FN1: variants seen among roughly 807,000 people sequenced by gnomAD.
FN1 encodes the protein fibronectin 1.
Under a neutral mutation model 297.3 loss-of-function variants are expected in FN1, and 106 were observed. The ratio of observed to expected loss-of-function variants is 0.36; its 90% CI spans 0.30 to 0.42. The LOEUF is 0.42. Ranked by LOEUF, FN1 falls within the 10% of genes least tolerant of loss-of-function variation. FN1 has a pLI of 1.00. For missense variants in FN1, 2,690 were observed against 3,124.9 expected (o/e 0.86, Z 3.32); for synonymous variants, 1,149 against 1,152.6 (o/e 1.00, Z 0.06).
chr2:215,429,265 C>A (rs941151392), intron 5 of FN1, among the ~76,000 whole-genome samples: 6 of 152,158 alleles, frequency 3.9e-5, no homozygotes, highest in African/African-American at 1.4e-4. Context: ...AGCAAAATAG[C>A]CCCAAATTAT....
chr2:215,407,946 CA>C lies in FN1; in HGVS notation c.2518+161del, dbSNP rs150302454. 0.51 allele frequency among the ~76,000 whole-genome samples: 39,769 copies of C among 78,018 alleles called. 7,833 individuals carry two copies. The highest frequency in any genetic ancestry group is 0.93 in the East Asian group (4,370 of 4,674). The allele number at this position is 78,018 out of a possible 152,430, so 51.2% of individuals were successfully genotyped here. On this transcript the variant is annotated intron_variant, in intron 17 of 45. Transcript: ENST00000354785. The stretch of plus-strand genomic sequence containing the variant: ...AATGTGCCATAGAAAATAACTCCCC[CA>C]CCCCCGCCACACACACACACACACA...
Position 215,382,243 on chromosome 2 carries a change from C to A in FN1, c.5133G>T (p.Glu1711Asp). ...VSVYAQNPSG[E>D]SQPLVQTAVT... The stretch of plus-strand genomic sequence containing the variant: ...CTGCAGTCTGAACCAGAGGCTGACT[C>A]TCTCCGCTTGGATTCTGAGCATAGA... Residue 1711 changes from glutamate to aspartate, a missense_variant, in exon 32 of 46, where the codon GAG becomes GAT. Glu to Asp is a conservative substitution (Grantham distance 45). Coordinates refer to ENST00000354785, the MANE Select transcript of FN1 (RefSeq NM_212482.4). 6.2e-7 allele frequency: 1 copy of A among 1,613,770 alleles called. No individual in the cohort carries two copies. The highest frequency in any genetic ancestry group is 8.5e-7 in the Non-Finnish European group (1 of 1,179,656).
At chr2:215,399,209 G>A in intron 21 of FN1, 48 bp downstream of exon 21, 1 of 1,366,902 alleles carries the variant, frequency 7.3e-7, no homozygotes, top group Non-Finnish European at 1.0e-6. Context: ...GGAACCACAA[G>A]GACAGCTCAG....
Position 215,410,411 on chromosome 2 carries a change from AGGCAAT to A in FN1, c.1942-303_1942-298del, listed in dbSNP as rs1465939195. On this transcript the variant is annotated intron_variant, in intron 13 of 45. Coordinates refer to ENST00000354785, the MANE Select transcript of FN1 (RefSeq NM_212482.4). Reference sequence around the variant, plus strand: ...TAGTCTCCATATCCTTCTGATGATAAGGCAATGGCATTGTTGCTCCCGTTTTACAGA... The same window carrying A: ...TAGTCTCCATATCCTTCTGATGATAAGGCATTGTTGCTCCCGTTTTACAGA... Among the ~76,000 whole-genome samples, 83 of 152,286 alleles carry A rather than the reference AGGCAAT, an allele frequency of 5.5e-4. 1 individual carries two copies.
chr2:215,365,361 C>G, intron 43 of FN1, 144 bp downstream of exon 43: 1 of 910,892 alleles, frequency 1.1e-6, no homozygotes, highest in South Asian at 1.4e-5. Context: ...TCTCCACTTT[C>G]CCAAATCAAA....
Position 215,435,761 on chromosome 2 carries a change from G to A in FN1, c.42C>T (p.Val14=), listed in dbSNP as rs1364821111. Residue 14 remains valine, a synonymous_variant, in exon 1 of 46, where the codon GTC becomes GTT. Transcript: ENST00000354785. ...GPGPGLLLLA[V]QCLGTAVPST... ...AGGGCACCGCTGTCCCCAGGCACTG[G>A]ACGGCCAGCAGCAGCAGCCCGGGCC... The A allele has an allele frequency of 1.3e-6, 2 of 1,592,578 alleles. No homozygotes were observed. Among genetic ancestry groups the A allele is most frequent in the Admixed American group, 3.5e-5 (2 of 57,376 alleles).
intron 33 of FN1, chr2:215,379,594 G>T: frequency 1.0e-5 from 3 of 300,738 alleles, no homozygotes; most frequent in Non-Finnish European, 1.8e-5. Flanking sequence ...TACAAGTTTT[G>T]CTTTCCCTTA....
rs1465212171 is a variant in FN1, at chr2:215,372,175, G to A, written c.6448C>T (p.Arg2150Trp). ...GTGGCCGTTGTGGGCGGTGTGGTCC[G>A]CCTAAAACCATGTTCCTCAAAGATC... ...QMIFEEHGFR[R>W]TTPPTTATPI... is the part of the protein sequence containing the mutation. The change falls in exon 40 of 46, where the codon CGG becomes TGG. Residue 2150 changes from arginine to tryptophan, a missense_variant. Physicochemically the swap from Arg to Trp is moderately radical, Grantham distance 101. Coordinates refer to ENST00000354785, the MANE Select transcript of FN1 (RefSeq NM_212482.4). The A allele has an allele frequency of 9.9e-6, 16 of 1,614,074 alleles. No individual in the cohort carries two copies. The highest frequency in any genetic ancestry group is 4.5e-5 in the East Asian group (2 of 44,894).
intron 6 of FN1, among the ~76,000 whole-genome samples, chr2:215,426,212 A>G (rs1183198297): frequency 9.3e-5 from 13 of 140,030 alleles, no homozygotes; most frequent in African/African-American, 3.2e-4. Flanking sequence ...GCAGTGGCGC[A>G]ATCTCGGCTC....
In FN1 at chr2:215,379,336, G is replaced by A. The variant is rs748140027; in HGVS notation, c.5435-19C>T. The stretch of plus-strand genomic sequence containing the variant: ...GGAATAGCTGTCGAGATTGTCATTG[G>A]TTAGAGGTTATCTTATAGGAAATGG... On this transcript the variant is annotated intron_variant, in intron 33 of 45. Transcript: ENST00000354785. The A allele has an allele frequency of 8.7e-6, 14 of 1,609,842 alleles. No homozygotes were observed. Among genetic ancestry groups the A allele is most frequent in the Non-Finnish European group, 1.2e-5 (14 of 1,176,284 alleles).
intron 34 of FN1, among the ~76,000 whole-genome samples, chr2:215,378,875 C>T (rs1436728015): frequency 1.3e-5 from 2 of 152,120 alleles, no homozygotes; most frequent in African/African-American, 4.8e-5. Flanking sequence ...CCCCCCACAA[C>T]CTTTTAAAAT....
intron 12 of FN1, among the ~76,000 whole-genome samples, chr2:215,418,420 G>A (rs1233881823): frequency 2.0e-5 from 3 of 152,112 alleles, no homozygotes; most frequent in Admixed American, 6.6e-5. Flanking sequence ...AATTTCTGTC[G>A]CATGCAGATT....
intron 23 of FN1, 143 bp from the exon 24 acceptor site, chr2:215,394,862 C>A: frequency 1.4e-6 from 1 of 693,460 alleles, no homozygotes; most frequent in South Asian, 1.6e-5. Context: ...TTATTCAATG[C>A]TTGCAACAAT....
In FN1 at chr2:215,391,811, A is replaced by G; in HGVS notation, c.4073T>C (p.Val1358Ala). The G allele has an allele frequency of 1.2e-6, 2 of 1,609,004 alleles. No homozygotes were observed. Among genetic ancestry groups the G allele is most frequent in the Non-Finnish European group, 1.7e-6 (2 of 1,175,840 alleles). ...APTTLTQQTA[V>A]PPPTDLRFTN... is the part of the protein sequence containing the mutation. ...GAATCGCAGGTCAGTGGGAGGAGGAACAGCTGGTTTCGAACAAGAAGGAAG... is the reference window on the plus strand; with the variant it reads ...GAATCGCAGGTCAGTGGGAGGAGGAGCAGCTGGTTTCGAACAAGAAGGAAG... Residue 1358 changes from valine to alanine, a missense_variant, in exon 26 of 46, where the codon GTT becomes GCT. By Grantham distance (64) the Val-to-Ala change is moderately conservative (BLOSUM62 0). Coordinates refer to ENST00000354785, the MANE Select transcript of FN1 (RefSeq NM_212482.4).
Position 215,409,663 on chromosome 2 carries a change from G to T in FN1, c.2199C>A (p.Ala733=), listed in dbSNP as rs781414319. The change falls in exon 15 of 46, where the codon GCC becomes GCA. Residue 733 remains alanine, a synonymous_variant. Coordinates refer to ENST00000354785, the MANE Select transcript of FN1 (RefSeq NM_212482.4). ...AGACCCAGGAGACCACAAAGCTACT[G>T]GCTGTGATTTCGGTCACAGATTCAG... ...ATSESVTEIT[A]SSFVVSWVSA... 3.1e-6 allele frequency: 5 copies of T among 1,614,032 alleles called. No individual in the cohort carries two copies. Among genetic ancestry groups the T allele is most frequent in the Non-Finnish European group, 8.5e-7 (1 of 1,179,950 alleles).
chr2:215,408,953 T>C (rs150951055), intron 15 of FN1, among the ~76,000 whole-genome samples: 1 of 152,322 alleles, frequency 6.6e-6, no homozygotes, highest in East Asian at 1.9e-4. Flanking sequence ...CCTTTCATTT[T>C]TCCAACTTTT....
intron 42 of FN1, among the ~76,000 whole-genome samples, chr2:215,367,210 A>C (rs2054809885): frequency 6.6e-6 from 1 of 152,252 alleles, no homozygotes; most frequent in South Asian, 2.1e-4. Flanking sequence ...TTCTAATCCT[A>C]ATCTCAAAGC....
intron 6 of FN1, 108 bp downstream of exon 6, chr2:215,428,072 A>G: frequency 7.5e-7 from 1 of 1,331,922 alleles, no homozygotes; most frequent in Non-Finnish European, 1.1e-6. Context: ...TTATTAGCTG[A>G]AACACTGCAA....
intron 13 of FN1, chr2:215,414,521 A>G (rs555176665): frequency 7.2e-6 from 2 of 278,276 alleles, no homozygotes; most frequent in Admixed American, 1.1e-4. Flanking sequence ...CTCTTCCCAC[A>G]TTGGGCAAGA....
Sources: gnomAD v4.1 joint callset for allele counts (sites outside exome capture counted in the v4.1 genomes callset) on GRCh38, gnomAD v4.1.1 for gene constraint, MANE v1.5 for transcripts, NCBI Gene and HGNC (gene_info 2026-07-23, HGNC 2026-07-21) for gene names.